MITF: variants seen among roughly 807,000 people sequenced by gnomAD.
MITF encodes melanocyte inducing transcription factor, also known as microphthalmia-associated transcription factor.
In MITF, 17 loss-of-function variants were observed where a neutral mutation model predicts 60.5. The observed-to-expected ratio is 0.28, with a 90% CI of 0.19 to 0.42. MITF has a LOEUF of 0.42. Ranked by LOEUF, MITF falls within the 10% of genes least tolerant of loss-of-function variation. The pLI is 1.00. For synonymous variants in MITF, 260 were observed against 248.5 expected, an observed-to-expected ratio of 1.05 and a Z score of -0.43; for missense variants, 622 against 683.5, an observed-to-expected ratio of 0.91 and a Z score of 1.00.
At chr3:69,856,557 G>C (rs984808598) in intron 1 of MITF, among the ~76,000 whole-genome samples, 1 of 152,146 alleles carries the variant, frequency 6.6e-6, no homozygotes, top group Non-Finnish European at 1.5e-5. Context: ...TAGTTAATGT[G>C]AAGTCTGTAC....
At chr3:69,897,772 A>G (rs959523554) in intron 2 of MITF, among the ~76,000 whole-genome samples, 9 of 152,190 alleles carry the variant, frequency 5.9e-5, no homozygotes, top group Non-Finnish European at 1.0e-4. Flanking sequence ...GGCATTTTGC[A>G]TTGTGTCTAA....
intron 1 of MITF, among the ~76,000 whole-genome samples, chr3:69,777,065 G>T (rs771722064): frequency 3.9e-5 from 6 of 152,144 alleles, no homozygotes; most frequent in Non-Finnish European, 8.8e-5. Context: ...TCATGCATTT[G>T]CAATTTTGCA....
intron 2 of MITF, among the ~76,000 whole-genome samples, chr3:69,884,887 T>A (rs2064574274): frequency 6.6e-6 from 1 of 152,154 alleles, no homozygotes; most frequent in Non-Finnish European, 1.5e-5. Context: ...AGACCAACTA[T>A]CTGAAACAAA....
At chr3:69,784,055 G>A (rs995420116) in intron 1 of MITF, among the ~76,000 whole-genome samples, 1 of 151,996 alleles carries the variant, frequency 6.6e-6, no homozygotes, top group Non-Finnish European at 1.5e-5. Flanking sequence ...AATGGCTTGT[G>A]TTTTTTATTT....
At chr3:69,803,861 G>A (rs925310270) in intron 1 of MITF, among the ~76,000 whole-genome samples, 6 of 150,836 alleles carry the variant, frequency 4.0e-5, no homozygotes, top group Non-Finnish European at 7.4e-5. Flanking sequence ...TTTTCCTGTA[G>A]TGAGGAAGAG....
chr3:69,807,009 G>A (rs2063020458), intron 1 of MITF, among the ~76,000 whole-genome samples: 1 of 152,186 alleles, frequency 6.6e-6, no homozygotes, highest in Non-Finnish European at 1.5e-5. Flanking sequence ...CCCTGTTGAA[G>A]ATTCTTATCT....
chr3:69,861,178 T>C (rs2064010025), intron 1 of MITF, among the ~76,000 whole-genome samples: 1 of 152,242 alleles, frequency 6.6e-6, no homozygotes, highest in Admixed American at 6.5e-5. Context: ...ACTTTCTTCA[T>C]AATTAATTAA....
intron 2 of MITF, among the ~76,000 whole-genome samples, chr3:69,904,763 G>T (rs531344682): frequency 6.6e-6 from 1 of 152,184 alleles, no homozygotes; most frequent in South Asian, 2.1e-4. Flanking sequence ...TAAGTAGTCA[G>T]TAGGATGCAG....
intron 3 of MITF, 152 bp downstream of exon 3, chr3:69,938,201 C>G: frequency 6.1e-6 from 7 of 1,142,428 alleles, no homozygotes; most frequent in Non-Finnish European, 7.7e-6. Context: ...CTGTGGCATT[C>G]CAGCCTGTTG....
chr3:69,808,712 G>A (rs1393985537), intron 1 of MITF, among the ~76,000 whole-genome samples: 1 of 152,098 alleles, frequency 6.6e-6, no homozygotes, highest in Admixed American at 6.5e-5. Flanking sequence ...AGGAAGCTGG[G>A]TAGGGTTCAC....
At position 69,739,507 on chromosome 3, in the gene MITF, A is replaced by G; in HGVS notation, c.-91A>G. Reference sequence around the variant, plus strand: ...AGAGCTCGGCACTGCGCCGGGGCGCACGGCTCGGGGGACCCAGGCCCAGCT... The same window carrying G: ...AGAGCTCGGCACTGCGCCGGGGCGCGCGGCTCGGGGGACCCAGGCCCAGCT... On this transcript the variant is annotated 5_prime_UTR_variant, in exon 1 of 10. Transcript: ENST00000352241. The G allele has an allele frequency of 1.6e-6, 2 of 1,232,872 alleles. No homozygotes were observed. The highest frequency in any genetic ancestry group is 2.3e-6 in the Non-Finnish European group (2 of 859,904). The allele number at this position is 1,232,872 out of a possible 1,614,324, so 76.4% of individuals were successfully genotyped here. A position where few individuals can be genotyped will look rare whatever the true frequency, so the allele number is the denominator to read the frequency against.
chr3:69,948,966 A>G (rs538424517), intron 5 of MITF, 85 bp from the exon 6 acceptor site: 15 of 974,222 alleles, frequency 1.5e-5, no homozygotes, highest in East Asian at 2.4e-5. Flanking sequence ...TCTTAAATAA[A>G]TCCTAGAGTA....
chr3:69,931,420 GCTA>G (rs1173972872), intron 2 of MITF, among the ~76,000 whole-genome samples: 2 of 151,990 alleles, frequency 1.3e-5, no homozygotes, highest in Non-Finnish European at 2.9e-5. Context: ...TTTTTCTGAG[GCTA>G]CTAAATATTG....
intron 1 of MITF, among the ~76,000 whole-genome samples, chr3:69,766,712 G>A (rs1487692943): frequency 6.6e-6 from 1 of 152,096 alleles, no homozygotes; most frequent in African/African-American, 2.4e-5. Context: ...GCTAAAGATG[G>A]GATCAGGGAT....
chr3:69,892,568 A>T (rs780976206), intron 2 of MITF, among the ~76,000 whole-genome samples: 1 of 152,258 alleles, frequency 6.6e-6, no homozygotes, highest in Non-Finnish European at 1.5e-5. Context: ...CTGCCATAAA[A>T]ATGGTCTGTG....
At chr3:69,828,537 C>T (rs1559656294) in intron 1 of MITF, among the ~76,000 whole-genome samples, 2 of 151,818 alleles carry the variant, frequency 1.3e-5, no homozygotes, top group South Asian at 2.1e-4. Flanking sequence ...TACTAGTTTA[C>T]ACAATAAAAT....
At chr3:69,914,636 G>C (rs1268593868) in intron 2 of MITF, among the ~76,000 whole-genome samples, 1 of 152,128 alleles carries the variant, frequency 6.6e-6, no homozygotes, top group Non-Finnish European at 1.5e-5. Context: ...TGGAGCACTG[G>C]GCTGATGTCA....
At chr3:69,939,406 G>A (rs1415553542) in intron 4 of MITF, among the ~76,000 whole-genome samples, 3 of 151,708 alleles carry the variant, frequency 2.0e-5, no homozygotes, top group Admixed American at 6.6e-5. Flanking sequence ...TTGCTGCAAA[G>A]ATTAAAAACT....
At chr3:69,845,438 C>CT (rs202135701) in intron 1 of MITF, among the ~76,000 whole-genome samples, 34,530 of 130,736 alleles carry the variant, frequency 0.26, 4,243 homozygotes, top group Non-Finnish European at 0.37. Context: ...TTTCTTTTTT[C>CT]TTTCTTTTTT....
Sources: gnomAD v4.1 joint callset for allele counts (sites outside exome capture counted in the v4.1 genomes callset) on GRCh38, gnomAD v4.1.1 for gene constraint, MANE v1.5 for transcripts, NCBI Gene and HGNC (gene_info 2026-07-23, HGNC 2026-07-21) for gene names.